Variants in PPP2R5E observed in about 807,000 individuals in gnomAD.
PPP2R5E encodes protein phosphatase 2 regulatory subunit B'epsilon, also known as serine/threonine-protein phosphatase 2A 56 kDa regulatory subunit epsilon isoform.
PPP2R5E carries 4 observed loss-of-function variants against 65.3 expected under a neutral mutation model. That is an observed-to-expected ratio of 0.06 (90% CI 0.03 to 0.14). The LOEUF is 0.14. Among genes scored for constraint, PPP2R5E ranks in the 10% least tolerant of loss-of-function variants. The pLI is 1.00. For synonymous variants in PPP2R5E, 183 were observed against 187.4 expected (o/e 0.98, Z 0.19); for missense variants, 274 against 556.1 (o/e 0.49, Z 5.10).
In PPP2R5E at chr14:63,460,142, T is replaced by C. The variant is rs375567684; in HGVS notation, c.158-6257A>G. ...TTCCAGGTAAAAAGAATAGAGACAA[T>C]AACAATCATGAACACTTACAACCAT... On this transcript the variant is annotated intron_variant, in intron 2 of 13. Transcript: ENST00000337537. 2.0e-5 allele frequency among the ~76,000 whole-genome samples: 3 copies of C among 152,048 alleles called. No homozygotes were observed. The East Asian group carries it at 5.8e-4, about 29-fold the overall frequency.
intron 1 of PPP2R5E, among the ~76,000 whole-genome samples, chr14:63,542,463 A>G (rs1255675981): frequency 1.3e-5 from 2 of 152,164 alleles, no homozygotes; most frequent in African/African-American, 4.8e-5. Context: ...ATAAGCTGCT[A>G]GAGAATCCTC....
chr14:63,477,673 C>A (rs1336219030), intron 2 of PPP2R5E, among the ~76,000 whole-genome samples: 1 of 151,874 alleles, frequency 6.6e-6, no homozygotes, highest in Non-Finnish European at 1.5e-5. Context: ...GTCCTTAAAC[C>A]TTTTCAAAGA....
intron 2 of PPP2R5E, among the ~76,000 whole-genome samples, chr14:63,504,748 C>T (rs947977233): frequency 2.0e-5 from 3 of 152,162 alleles, no homozygotes; most frequent in African/African-American, 7.2e-5. Context: ...AAGTGCCTTA[C>T]ACGTCTTAGT....
chr14:63,517,854 T>A (rs1366060012), intron 2 of PPP2R5E, among the ~76,000 whole-genome samples: 1 of 152,226 alleles, frequency 6.6e-6, no homozygotes. Flanking sequence ...GCTTGCATTC[T>A]CATTTAATGA....
At chr14:63,501,383 C>A (rs867882637) in intron 2 of PPP2R5E, among the ~76,000 whole-genome samples, 1 of 142,362 alleles carries the variant, frequency 7.0e-6, no homozygotes, top group African/African-American at 2.6e-5. Context: ...CCAGCCTGGG[C>A]GACAGAGCAA....
At chr14:63,439,137 T>C (rs752063118) in intron 3 of PPP2R5E, among the ~76,000 whole-genome samples, 2 of 152,146 alleles carry the variant, frequency 1.3e-5, no homozygotes, top group Non-Finnish European at 2.9e-5. Flanking sequence ...TTAACCAATA[T>C]AGACAGGTTA....
At chr14:63,454,196 C>A (rs944341622) in intron 2 of PPP2R5E, among the ~76,000 whole-genome samples, 3 of 152,138 alleles carry the variant, frequency 2.0e-5, no homozygotes, top group African/African-American at 7.2e-5. Context: ...AATGTCAATA[C>A]CTTTAAATTA....
intron 3 of PPP2R5E, among the ~76,000 whole-genome samples, chr14:63,427,038 T>C (rs181819955): frequency 9.2e-5 from 14 of 152,376 alleles, no homozygotes; most frequent in African/African-American, 3.4e-4. Context: ...TTTGCTTCCA[T>C]TAAATCTTCC....
intron 2 of PPP2R5E, among the ~76,000 whole-genome samples, chr14:63,486,843 G>T (rs1891023668): frequency 6.6e-6 from 1 of 152,138 alleles, no homozygotes; most frequent in Non-Finnish European, 1.5e-5. Flanking sequence ...CTTTCATGAA[G>T]ACTTTCCTGG....
chr14:63,395,720 T>G (rs1414615500), intron 6 of PPP2R5E, among the ~76,000 whole-genome samples: 1 of 2,322 alleles, frequency 4.3e-4, no homozygotes, highest in Non-Finnish European at 8.6e-4. Context: ...GAGGAGAGGG[T>G]GGAAGGGAGG....
rs948996324 is a variant in PPP2R5E at position 63,542,840 on chromosome 14, G to A, written c.-69C>T. On this transcript the variant is annotated 5_prime_UTR_variant, in exon 1 of 14. Coordinates refer to ENST00000337537, the MANE Select transcript of PPP2R5E (RefSeq NM_006246.5). The stretch of plus-strand genomic sequence containing the variant: ...TGGCTTGGAGGGGCGGGAGACGGGC[G>A]AGGTGGCCGCAGCGGGGGCGGGCGG... 3.9e-5 allele frequency: 6 copies of A among 153,970 alleles called. No homozygotes were observed. The highest frequency in any genetic ancestry group is 6.5e-5 in the Admixed American group (1 of 15,308). 9.5% of individuals were successfully genotyped at this position (153,970 alleles called of 1,614,324 possible). A position where few individuals can be genotyped will look rare whatever the true frequency, so the allele number is the denominator to read the frequency against.
intron 6 of PPP2R5E, among the ~76,000 whole-genome samples, 180 bp from the exon 7 acceptor site, chr14:63,395,465 G>A (rs544371359): frequency 7.6e-5 from 1 of 13,172 alleles, no homozygotes; most frequent in Non-Finnish European, 1.9e-4. Context: ...GAGGAGGAGG[G>A]GGGAAGAGAG....
At chr14:63,497,777 C>G (rs1891650446) in intron 2 of PPP2R5E, among the ~76,000 whole-genome samples, 1 of 148,022 alleles carries the variant, frequency 6.8e-6, no homozygotes, top group African/African-American at 2.5e-5. Context: ...CAAAAAAAAA[C>G]AAACACAAAA....
At chr14:63,499,265 G>A (rs1235684725) in intron 2 of PPP2R5E, among the ~76,000 whole-genome samples, 2 of 151,986 alleles carry the variant, frequency 1.3e-5, no homozygotes, top group Admixed American at 1.3e-4. Flanking sequence ...CTAAAAGAGA[G>A]AAAAATATAT....
At chr14:63,408,158 C>G (rs1410527864) in intron 5 of PPP2R5E, among the ~76,000 whole-genome samples, 1 of 152,142 alleles carries the variant, frequency 6.6e-6, no homozygotes, top group Non-Finnish European at 1.5e-5. Context: ...GAATATTTCA[C>G]TATATGAATG....
Position 63,536,968 on chromosome 14 carries a change from C to G in PPP2R5E, c.157+2561G>C, listed in dbSNP as rs75941848. Among the ~76,000 whole-genome samples the G allele has an allele frequency of 6.9e-3, 1,053 of 152,166 alleles. 67 individuals are homozygous for G. In the East Asian group the frequency reaches 0.15, roughly 21 times the overall value. Reference sequence around the variant, plus strand: ...GGTAGGGACAGTTGCATGACAATGTCAAGGCACTTAATGCACATTTAAACA... The same window carrying G: ...GGTAGGGACAGTTGCATGACAATGTGAAGGCACTTAATGCACATTTAAACA... On this transcript the variant is annotated intron_variant, in intron 2 of 13. Coordinates refer to ENST00000337537, the MANE Select transcript of PPP2R5E (RefSeq NM_006246.5).
At chr14:63,462,172 G>A (rs921938311) in intron 2 of PPP2R5E, among the ~76,000 whole-genome samples, 4 of 151,698 alleles carry the variant, frequency 2.6e-5, no homozygotes, top group South Asian at 2.1e-4. Flanking sequence ...CTGGGTTCAC[G>A]CCATTCTCCT....
intron 2 of PPP2R5E, among the ~76,000 whole-genome samples, chr14:63,513,457 A>G: frequency 6.6e-6 from 1 of 152,314 alleles, no homozygotes; most frequent in African/African-American, 2.4e-5. Context: ...TGTTACATAA[A>G]ACTTTGGAAA....
intron 2 of PPP2R5E, among the ~76,000 whole-genome samples, chr14:63,531,187 A>C (rs182915270): frequency 3.9e-5 from 6 of 152,294 alleles, no homozygotes; most frequent in Admixed American, 3.9e-4. Context: ...GAAAGAAAGA[A>C]AAAAATAACA....
Sources: allele counts gnomAD v4.1 joint callset (sites outside exome capture counted in the v4.1 genomes callset), GRCh38; gene constraint gnomAD v4.1.1; transcripts MANE v1.5; gene names NCBI Gene and HGNC (gene_info 2026-07-23, HGNC 2026-07-21).